Variants in SPATA7 observed in about 807,000 individuals in gnomAD.
SPATA7 encodes the protein spermatogenesis-associated protein 7.
A neutral mutation model predicts 51.8 loss-of-function variants in SPATA7; 43 were observed. The observed-to-expected ratio is 0.83, with a 90% CI of 0.65 to 1.07. The LOEUF (loss-of-function observed/expected upper bound fraction) is 1.07. Ranked by LOEUF, SPATA7 falls within the 50% of genes least tolerant of loss-of-function variation. The pLI, the probability that SPATA7 is intolerant of heterozygous loss-of-function variation, is 0.00. For synonymous variants in SPATA7, 230 were observed against 252.8 expected, an observed-to-expected ratio of 0.91 and a Z score of 0.86; for missense variants, 683 against 701.3, an observed-to-expected ratio of 0.97 and a Z score of 0.30.
At chr14:88,410,671 G>A (rs1216246971) in intron 4 of SPATA7, 3 of 153,200 alleles carry the variant, frequency 2.0e-5, no homozygotes, top group Admixed American at 6.5e-5. Context: ...CAGGTCTGCC[G>A]TAGTTTGCTG....
At chr14:88,390,847 A>C (rs969167570) in intron 1 of SPATA7, among the ~76,000 whole-genome samples, 1 of 152,048 alleles carries the variant, frequency 6.6e-6, no homozygotes, top group African/African-American at 2.4e-5. Flanking sequence ...TCATTTCATG[A>C]CTATCTTTTT....
chr14:88,455,028 G>T (rs776824144), intron 3 of SPATA7: 1 of 455,440 alleles, frequency 2.2e-6, no homozygotes. Context: ...TTTAGATCTG[G>T]GTCAAGGCTC....
exon 5 of SPATA7, chr14:88,470,169 G>A: frequency 1.1e-6 from 1 of 886,228 alleles, no homozygotes; most frequent in South Asian, 1.7e-5. Context: ...TAAAAAAGTA[G>A]TAAACTGGAT....
At chr14:88,459,600 A>G (rs1052364518), downstream of SPATA7, among the ~76,000 whole-genome samples, 1 of 152,050 alleles carries the variant, frequency 6.6e-6, no homozygotes, top group Admixed American at 6.6e-5. Flanking sequence ...TTTTGAGCCT[A>G]TGTGAGTCTC....
intron 5 of SPATA7, among the ~76,000 whole-genome samples, chr14:88,422,836 T>C (rs73323538): frequency 0.035 from 5,365 of 152,132 alleles, 312 homozygotes; most frequent in African/African-American, 0.12. Context: ...TCAGATTGTC[T>C]TAAGAGCCTT....
chr14:88,417,794 T>C (rs141779167), intron 5 of SPATA7, among the ~76,000 whole-genome samples: 4 of 152,330 alleles, frequency 2.6e-5, no homozygotes, highest in African/African-American at 9.6e-5. Flanking sequence ...TGTCATTTTC[T>C]TTTTTTGTAC....
At chr14:88,393,275 A>G (rs1463671776) in intron 2 of SPATA7, 118 bp from the exon 3 acceptor site, 10 of 723,688 alleles carry the variant, frequency 1.4e-5, no homozygotes, top group East Asian at 2.8e-5. Flanking sequence ...TCATATATCA[A>G]TATCTCTGGT....
chr14:88,432,372 T>C (rs928964202), intron 9 of SPATA7, among the ~76,000 whole-genome samples: 1 of 152,190 alleles, frequency 6.6e-6, no homozygotes, highest in Non-Finnish European at 1.5e-5. Context: ...AACTCTTCCC[T>C]TATATTTGCT....
At chr14:88,468,820 G>A (rs1050046395) in intron 4 of SPATA7, 3 of 1,509,500 alleles carry the variant, frequency 2.0e-6, no homozygotes, top group Non-Finnish European at 2.7e-6. Flanking sequence ...ACAGTCCAAG[G>A]AAATGTGCGC....
At chr14:88,465,145 A>G (rs1157362355) in intron 4 of SPATA7, among the ~76,000 whole-genome samples, 7 of 152,212 alleles carry the variant, frequency 4.6e-5, no homozygotes, top group African/African-American at 1.4e-4. Flanking sequence ...TAATGACTAC[A>G]ATAAGCATTC....
chr14:88,455,224 C>T, exon 4 of SPATA7: 1 of 386,152 alleles, frequency 2.6e-6, no homozygotes, highest in Non-Finnish European at 5.2e-6. Flanking sequence ...ATTAATTGAC[C>T]CACAAATATC....
downstream of SPATA7, among the ~76,000 whole-genome samples, chr14:88,440,392 C>T (rs1039115244): frequency 6.6e-6 from 1 of 152,062 alleles, no homozygotes; most frequent in African/African-American, 2.4e-5. Context: ...CCTTTAGTTT[C>T]CCTTTAAGTT....
chr14:88,416,706 T>G lies in SPATA7; in HGVS notation c.239-5T>G. On this transcript the variant is annotated splice_polypyrimidine_tract_variant and splice_region_variant and intron_variant, in intron 4 of 11. Transcript: ENST00000393545. ...ATATTTTGAAAGATTTGTTTTCCCT[T>G]TTAGATGCAGACCAACAACGAAGAG... 1 of 1,613,130 alleles carries G rather than the reference T, an allele frequency of 6.2e-7. No homozygotes were observed. The highest frequency in any genetic ancestry group is 8.5e-7 in the Non-Finnish European group (1 of 1,179,628).
intron 4 of SPATA7, among the ~76,000 whole-genome samples, chr14:88,399,270 AAC>A (rs1329877024): frequency 3.3e-5 from 5 of 152,256 alleles, no homozygotes; most frequent in Middle Eastern, 3.4e-3. Context: ...CATAGCTACA[AAC>A]ACAGTGTCTG....
chr14:88,402,639 CAT>C (rs968759440), intron 4 of SPATA7, among the ~76,000 whole-genome samples: 1 of 151,988 alleles, frequency 6.6e-6, no homozygotes, highest in Non-Finnish European at 1.5e-5. Context: ...AAAATCAACT[CAT>C]ACAAAAATCA....
At chr14:88,405,059 A>G (rs374310811) in intron 4 of SPATA7, among the ~76,000 whole-genome samples, 1 of 152,226 alleles carries the variant, frequency 6.6e-6, no homozygotes, top group Non-Finnish European at 1.5e-5. Flanking sequence ...TAAGGTGACA[A>G]TTGAGCAGAG....
At chr14:88,407,554 G>T (rs1257764282) in intron 4 of SPATA7, among the ~76,000 whole-genome samples, 3 of 152,110 alleles carry the variant, frequency 2.0e-5, no homozygotes, top group African/African-American at 7.2e-5. Flanking sequence ...CCATTTTGTG[G>T]GTTGTTTGTC....
In SPATA7 at chr14:88,464,952, T is replaced by C. The variant is rs577713969; in HGVS notation, c.255-4895T>C. ...CTTCACAGAAAAGCTGGCCACGTCATGCTGTCGCCACTCAGTCCCACAACA... is the reference window on the plus strand; with the variant it reads ...CTTCACAGAAAAGCTGGCCACGTCACGCTGTCGCCACTCAGTCCCACAACA... On this transcript the variant is annotated intron_variant, in intron 4 of 4. Transcript: ENST00000556406. Among the ~76,000 whole-genome samples, 9 of 152,296 alleles carry C rather than the reference T, an allele frequency of 5.9e-5. No homozygotes were observed. The East Asian group carries it at 1.7e-3, about 29-fold the overall frequency.
At chr14:88,402,285 A>G (rs538159350) in intron 4 of SPATA7, among the ~76,000 whole-genome samples, 27 of 152,262 alleles carry the variant, frequency 1.8e-4, no homozygotes, top group South Asian at 1.4e-3. Flanking sequence ...TTACAGAAAT[A>G]GAACAAACAA....
Sources: gnomAD v4.1 joint callset for allele counts (sites outside exome capture counted in the v4.1 genomes callset) on GRCh38, gnomAD v4.1.1 for gene constraint, MANE v1.5 for transcripts, NCBI Gene and HGNC (gene_info 2026-07-23, HGNC 2026-07-21) for gene names.